PDE8B: variants seen among roughly 807,000 people sequenced by gnomAD.
The protein encoded by PDE8B is phosphodiesterase 8B, also known as high affinity cAMP-specific and IBMX-insensitive 3',5'-cyclic phosphodiesterase 8B.
A neutral mutation model predicts 101.3 loss-of-function variants in PDE8B; 26 were observed. That is an observed-to-expected ratio of 0.26 (90% confidence interval 0.19 to 0.36). The LOEUF (loss-of-function observed/expected upper bound fraction) is 0.36. Ranked by LOEUF, PDE8B falls within the 10% of genes least tolerant of loss-of-function variation. The probability of loss-of-function intolerance (pLI) is 1.00; values close to 1 mark genes in which losing one functional copy is unlikely to be tolerated. For synonymous variants in PDE8B, 424 were observed against 429.3 expected (o/e 0.99, Z 0.15); for missense variants, 810 against 1,163.1 (o/e 0.70, Z 4.42).
At chr5:77,227,921 A>G (rs111685651) in intron 1 of PDE8B, among the ~76,000 whole-genome samples, 8 of 152,316 alleles carry the variant, frequency 5.3e-5, no homozygotes, top group African/African-American at 1.9e-4. Flanking sequence ...TTACTTCTTT[A>G]TAACACATTA....
At chr5:77,098,062 T>A in the PDE8B span, among the ~76,000 whole-genome samples, 3 of 151,818 alleles carry the variant, frequency 2.0e-5, no homozygotes, top group Non-Finnish European at 4.4e-5. Context: ...ATGCAGATAA[T>A]TTGAGGGCCG....
intron 18 of PDE8B, 37 bp downstream of exon 18, chr5:77,418,483 A>G (rs778192967): frequency 6.8e-7 from 1 of 1,476,270 alleles, no homozygotes; most frequent in South Asian, 1.2e-5. Flanking sequence ...CAAGTTTGTG[A>G]AGTTTAAGTG....
At chr5:77,088,379 T>C in the PDE8B span, 1 of 152,152 alleles carries the variant, frequency 6.6e-6, no homozygotes, top group Non-Finnish European at 1.5e-5. Context: ...CCTCTGCCTT[T>C]TTGCAAGCGC....
At chr5:77,370,488 T>C (rs1784892558) in intron 10 of PDE8B, among the ~76,000 whole-genome samples, 1 of 152,172 alleles carries the variant, frequency 6.6e-6, no homozygotes, top group Non-Finnish European at 1.5e-5. Flanking sequence ...GAGTATATGA[T>C]TTGGTTGCTT....
intron 1 of PDE8B, among the ~76,000 whole-genome samples, chr5:77,234,840 C>A (rs945132980): frequency 2.0e-5 from 3 of 152,184 alleles, no homozygotes; most frequent in African/African-American, 7.2e-5. Context: ...TATTATTTGG[C>A]CTGTTTTCTC....
At chr5:77,132,313 A>C in the PDE8B span, among the ~76,000 whole-genome samples, 1 of 152,066 alleles carries the variant, frequency 6.6e-6, no homozygotes, top group African/African-American at 2.4e-5. Flanking sequence ...TATGTGCTAT[A>C]TTGTTTTTCC....
chr5:77,351,231 G>T, intron 9 of PDE8B, 78 bp downstream of exon 9: 1 of 1,034,168 alleles, frequency 9.7e-7, no homozygotes, highest in Non-Finnish European at 1.5e-6. Context: ...TGAAATGCCA[G>T]TATGAGCCTT....
the PDE8B span, among the ~76,000 whole-genome samples, chr5:77,089,834 GA>G: frequency 6.6e-6 from 1 of 152,236 alleles, no homozygotes; most frequent in African/African-American, 2.4e-5. Context: ...GTATCAAAGG[GA>G]TTCTTGTACT....
chr5:77,303,073 T>G (rs1338055505), intron 1 of PDE8B, among the ~76,000 whole-genome samples: 16 of 152,176 alleles, frequency 1.1e-4, no homozygotes, highest in Admixed American at 1.0e-3. Flanking sequence ...AAAGCATGTG[T>G]AGAATATTTA....
chr5:77,426,056 C>T (rs539314290), intron 21 of PDE8B, 160 bp downstream of exon 21: 2 of 698,672 alleles, frequency 2.9e-6, no homozygotes, highest in Non-Finnish European at 5.1e-6. Flanking sequence ...TTCTTTGCAT[C>T]CCCAGCAGCT....
At position 77,246,296 on chromosome 5, in the gene PDE8B, G is replaced by C. The variant is rs139085850; in HGVS notation, c.339+35032G>C. On this transcript the variant is annotated intron_variant, in intron 1 of 21. Coordinates refer to ENST00000264917, the MANE Select transcript of PDE8B (RefSeq NM_003719.5). ...TTGTGCCATTCTGGCTTGTGGGCGT[G>C]GGGGGTTCCCTCAGAGGGCAGGTCC... 4.5e-3 allele frequency among the ~76,000 whole-genome samples: 688 copies of C among 152,284 alleles called. 3 individuals are homozygous for C. The highest frequency in any genetic ancestry group is 0.013 in the African/African-American group (559 of 41,560).
chr5:77,255,858 C>T (rs1198099032), intron 1 of PDE8B, among the ~76,000 whole-genome samples: 3 of 152,160 alleles, frequency 2.0e-5, no homozygotes, highest in Non-Finnish European at 4.4e-5. Context: ...GGTTTCGATT[C>T]CTTGGAAGCT....
intron 1 of PDE8B, among the ~76,000 whole-genome samples, chr5:77,214,443 T>G (rs1749202923): frequency 6.6e-6 from 1 of 152,204 alleles, no homozygotes; most frequent in Non-Finnish European, 1.5e-5. Context: ...CCAGACTGTG[T>G]TGTAGGTGCT....
At chr5:77,147,139 AGAT>A in the PDE8B span, 230,566 of 305,414 alleles carry the variant, frequency 0.75, 89,123 homozygotes, top group East Asian at 0.94. Flanking sequence ...AGGAAGATGA[AGAT>A]GATGATGATG....
intron 1 of PDE8B, among the ~76,000 whole-genome samples, chr5:77,305,716 G>T (rs911680739): frequency 6.6e-6 from 1 of 152,174 alleles, no homozygotes; most frequent in African/African-American, 2.4e-5. Flanking sequence ...ACTAAGTTTG[G>T]CCTGAGAATG....
chr5:77,266,412 GC>G (rs1561440894), intron 1 of PDE8B, among the ~76,000 whole-genome samples: 1 of 152,028 alleles, frequency 6.6e-6, no homozygotes, highest in South Asian at 2.1e-4. Context: ...GCTTAAAATG[GC>G]CCCCCAGCCA....
chr5:77,204,051 T>G, the PDE8B span, among the ~76,000 whole-genome samples: 2 of 48,618 alleles, frequency 4.1e-5, no homozygotes, highest in African/African-American at 2.3e-4. Context: ...GTACCCTTAG[T>G]TTTTTTTTTT....
intron 3 of PDE8B, among the ~76,000 whole-genome samples, chr5:77,327,256 G>A (rs1355609795): frequency 1.3e-5 from 2 of 152,134 alleles, no homozygotes; most frequent in Non-Finnish European, 1.5e-5. Flanking sequence ...CCTAACATGC[G>A]TCCTTGAGCC....
the PDE8B span, chr5:77,140,078 G>C: frequency 5.3e-5 from 8 of 152,092 alleles, no homozygotes; most frequent in Non-Finnish European, 1.0e-4. Context: ...CACTATGCCT[G>C]CAAGTTTGCT....
Sources: gnomAD v4.1 joint callset for allele counts (sites outside exome capture counted in the v4.1 genomes callset) on GRCh38, gnomAD v4.1.1 for gene constraint, MANE v1.5 for transcripts, NCBI Gene and HGNC (gene_info 2026-07-23, HGNC 2026-07-21) for gene names.